UBR1: variants seen among roughly 807,000 people sequenced by gnomAD.
The protein encoded by UBR1 is E3 ubiquitin-protein ligase UBR1.
Under a neutral mutation model 242.1 loss-of-function variants are expected in UBR1, and 102 were observed. That is an observed-to-expected ratio of 0.42 (90% CI 0.36 to 0.50). The LOEUF is 0.50. Ranked by LOEUF, UBR1 falls within the 20% of genes least tolerant of loss-of-function variation. UBR1 has a pLI of 0.01. For missense variants in UBR1, 1,772 were observed against 2,101.8 expected (o/e 0.84, Z 3.07); for synonymous variants, 675 against 684.8 (o/e 0.99, Z 0.22).
chr15:43,067,854 A>G (rs757856947), intron 6 of UBR1, 44 bp downstream of exon 6: 1 of 1,613,148 alleles, frequency 6.2e-7, no homozygotes, highest in Non-Finnish European at 8.5e-7. Context: ...GCTGCCAGGA[A>G]GCTGACAGAA....
At chr15:42,958,142 C>G (rs1483294902) in intron 43 of UBR1, 52 bp from the exon 44 acceptor site, 1 of 1,272,178 alleles carries the variant, frequency 7.9e-7, no homozygotes. Flanking sequence ...AACCCCAGAT[C>G]AAAAACTGCC....
At chr15:43,069,174 AGT>A (rs1355245194) in intron 5 of UBR1, among the ~76,000 whole-genome samples, 3 of 152,218 alleles carry the variant, frequency 2.0e-5, no homozygotes, top group Non-Finnish European at 4.4e-5. Context: ...CTGAGATGAC[AGT>A]GCTTTTTCAT....
intron 46 of UBR1, among the ~76,000 whole-genome samples, chr15:42,947,853 T>C (rs1017513555): frequency 6.6e-6 from 1 of 152,108 alleles, no homozygotes; most frequent in African/African-American, 2.4e-5. Context: ...AAAATGGCCA[T>C]ACTGCCCAAG....
rs888230173 is a variant in UBR1 at position 42,969,087 on chromosome 15, C to T, written c.4457+1433G>A. On this transcript the variant is annotated intron_variant, in intron 40 of 46. Coordinates refer to ENST00000290650, the MANE Select transcript of UBR1 (RefSeq NM_174916.3). ...TTCTAGTTCTAGATCCTTGAGGAAT[C>T]GCCACACTGTCTTCCACAATTGTTG... Among the ~76,000 whole-genome samples the T allele has an allele frequency of 7.2e-5, 11 of 152,128 alleles. 1 individual carries two copies. The highest frequency in any genetic ancestry group is 8.8e-5 in the Non-Finnish European group (6 of 68,026).
chr15:43,041,801 T>G (rs2141321718), intron 15 of UBR1, among the ~76,000 whole-genome samples: 1 of 152,186 alleles, frequency 6.6e-6, no homozygotes, highest in East Asian at 1.9e-4. Context: ...ACACTTAATA[T>G]CTAGAATTAT....
At chr15:43,027,244 T>A (rs1310526344) in intron 22 of UBR1, among the ~76,000 whole-genome samples, 1 of 152,116 alleles carries the variant, frequency 6.6e-6, no homozygotes, top group Non-Finnish European at 1.5e-5. Flanking sequence ...TAAGAAAAGC[T>A]ATACCCTATT....
chr15:43,069,423 C>T (rs1030919534), intron 5 of UBR1, among the ~76,000 whole-genome samples: 1 of 151,972 alleles, frequency 6.6e-6, no homozygotes, highest in Non-Finnish European at 1.5e-5. Context: ...ACCACGGGGG[C>T]CCGCCATGAT....
At chr15:43,068,089 TAAAA>T (rs375762522) in intron 5 of UBR1, 53 bp from the exon 6 acceptor site, 832 of 785,406 alleles carry the variant, frequency 1.1e-3, no homozygotes, top group East Asian at 1.6e-3. Flanking sequence ...AAAGGAAAAG[TAAAA>T]AAAAAAAAAA....
intron 35 of UBR1, among the ~76,000 whole-genome samples, chr15:42,987,661 C>T (rs28624690): frequency 3.0e-5 from 4 of 131,240 alleles, no homozygotes; most frequent in Admixed American, 1.0e-4. Flanking sequence ...TTGTGGTGGC[C>T]GAGATTGTGC....
chr15:43,016,930 A>C (rs1433237790), intron 28 of UBR1, among the ~76,000 whole-genome samples, 165 bp downstream of exon 28: 1 of 152,238 alleles, frequency 6.6e-6, no homozygotes, highest in African/African-American at 2.4e-5. Context: ...ACGTACCATT[A>C]ATCTCCACAA....
intron 35 of UBR1, among the ~76,000 whole-genome samples, chr15:42,987,991 TA>T (rs2032500700): frequency 6.6e-6 from 1 of 152,144 alleles, no homozygotes; most frequent in South Asian, 2.1e-4. Flanking sequence ...CCCTCACTGC[TA>T]CATTTTTCTG....
At chr15:43,030,314 A>G (rs1286277374) in intron 20 of UBR1, among the ~76,000 whole-genome samples, 1 of 152,238 alleles carries the variant, frequency 6.6e-6, no homozygotes, top group East Asian at 1.9e-4. Context: ...ACAAACAAAC[A>G]CACATACATA....
At chr15:43,088,991 G>A (rs1421193216) in intron 1 of UBR1, among the ~76,000 whole-genome samples, 5 of 149,962 alleles carry the variant, frequency 3.3e-5, no homozygotes, top group African/African-American at 1.2e-4. Context: ...CTGAAACCCC[G>A]TCTCTACTAA....
chr15:43,015,658 G>A (rs1471641696), intron 29 of UBR1, 30 bp downstream of exon 29: 9 of 1,609,102 alleles, frequency 5.6e-6, no homozygotes, highest in Non-Finnish European at 7.6e-6. Context: ...AAAAAATTGA[G>A]TTGGTAATTT....
At chr15:42,976,322 A>T (rs1350442708) in intron 39 of UBR1, among the ~76,000 whole-genome samples, 3 of 152,202 alleles carry the variant, frequency 2.0e-5, no homozygotes. Context: ...ACAAGATACT[A>T]ATGATAAATG....
chr15:43,076,279 G>A (rs923718391), intron 3 of UBR1, among the ~76,000 whole-genome samples: 3 of 152,008 alleles, frequency 2.0e-5, no homozygotes, highest in African/African-American at 7.2e-5. Flanking sequence ...CGTTCACTCA[G>A]TGCTCAATGG....
chr15:42,945,207 G>A lies in UBR1; in HGVS notation c.*122C>T. 1 of 1,330,170 alleles carries A rather than the reference G, an allele frequency of 7.5e-7. No homozygotes were observed. Among genetic ancestry groups the A allele is most frequent in the South Asian group, 1.2e-5 (1 of 80,732 alleles). The allele number at this position is 1,330,170 out of a possible 1,614,324, so 82.4% of individuals were successfully genotyped here. On this transcript the variant is annotated 3_prime_UTR_variant, in exon 47 of 47. Transcript: ENST00000290650. Reference sequence around the variant, plus strand: ...TAAGAAATATTTTATTGATGTAAGTGAACCTGGACATGGAGCAAAAGACCC... The same window carrying A: ...TAAGAAATATTTTATTGATGTAAGTAAACCTGGACATGGAGCAAAAGACCC...
intron 11 of UBR1, among the ~76,000 whole-genome samples, chr15:43,055,320 T>G (rs999828260): frequency 6.6e-6 from 1 of 152,168 alleles, no homozygotes; most frequent in African/African-American, 2.4e-5. Context: ...TGGCAATGCC[T>G]GTAATCTCAG....
At chr15:43,091,002 C>T (rs1040405794) in intron 1 of UBR1, among the ~76,000 whole-genome samples, 5 of 152,252 alleles carry the variant, frequency 3.3e-5, no homozygotes, top group Admixed American at 1.3e-4. Context: ...TGCAATGGCA[C>T]GATCTCGGCC....
Sources: gnomAD v4.1 joint callset for allele counts (sites outside exome capture counted in the v4.1 genomes callset) on GRCh38, gnomAD v4.1.1 for gene constraint, MANE v1.5 for transcripts, NCBI Gene and HGNC (gene_info 2026-07-23, HGNC 2026-07-21) for gene names.